WNK2: variants seen among roughly 807,000 people sequenced by gnomAD.
WNK2 encodes serine/threonine-protein kinase WNK2.
WNK2 carries 67 observed loss-of-function variants against 192.1 expected under a neutral mutation model. The ratio of observed to expected loss-of-function variants is 0.35; its 90% confidence interval spans 0.29 to 0.43. The LOEUF is 0.43. Ranked by LOEUF, WNK2 falls within the 20% of genes least tolerant of loss-of-function variation. The pLI is 1.00. For missense variants in WNK2, 2,698 were observed against 3,089.7 expected (o/e 0.87, Z 3.01); for synonymous variants, 1,439 against 1,393.9 (o/e 1.03, Z -0.72).
At chr9:93,211,715 C>G (rs1237149005) in intron 2 of WNK2, among the ~76,000 whole-genome samples, 2 of 151,804 alleles carry the variant, frequency 1.3e-5, no homozygotes, top group African/African-American at 2.4e-5. Flanking sequence ...CACCATTCAT[C>G]TACTCATTCA....
At chr9:93,281,518 A>G (rs2133595291) in intron 19 of WNK2, among the ~76,000 whole-genome samples, 1 of 152,318 alleles carries the variant, frequency 6.6e-6, no homozygotes, top group East Asian at 1.9e-4. Context: ...AAAACAGTAG[A>G]AAATAGAAAA....
chr9:93,281,501 G>C (rs1333436552), intron 19 of WNK2, among the ~76,000 whole-genome samples: 2 of 152,086 alleles, frequency 1.3e-5, no homozygotes, highest in Non-Finnish European at 2.9e-5. Context: ...GTAAAATAAG[G>C]ATAATGAAAA....
Position 93,261,807 on chromosome 9 carries a change from C to T in WNK2, c.3067-7C>T, listed in dbSNP as rs575435593. On this transcript the variant is annotated splice_polypyrimidine_tract_variant and splice_region_variant and intron_variant, in intron 12 of 29. Coordinates refer to ENST00000427277, the MANE Select transcript of WNK2 (RefSeq NM_006648.4). Reference sequence around the variant, plus strand: ...CCTGACTTGCACCTTGTCCCCTGTGCCCCCAGATTCTGCTTGGCCACCCAG... The same window carrying T: ...CCTGACTTGCACCTTGTCCCCTGTGTCCCCAGATTCTGCTTGGCCACCCAG... 8 of 1,581,442 alleles carry T rather than the reference C, an allele frequency of 5.1e-6. No individual in the cohort carries two copies. In the South Asian group the frequency reaches 6.7e-5, roughly 13 times the overall value.
At chr9:93,198,573 G>T (rs1246859013) in intron 2 of WNK2, among the ~76,000 whole-genome samples, 2 of 145,960 alleles carry the variant, frequency 1.4e-5, no homozygotes, top group Non-Finnish European at 3.0e-5. Context: ...CACTGTGGAG[G>T]GGATGCTTCC....
intron 19 of WNK2, among the ~76,000 whole-genome samples, chr9:93,274,692 A>G (rs1030481608): frequency 6.6e-6 from 1 of 152,178 alleles, no homozygotes; most frequent in African/African-American, 2.4e-5. Context: ...AAAGCCATAA[A>G]CTACTAAAAT....
At chr9:93,302,463 G>C (rs1178327410) in intron 26 of WNK2, among the ~76,000 whole-genome samples, 1 of 152,200 alleles carries the variant, frequency 6.6e-6, no homozygotes, top group Admixed American at 6.5e-5. Context: ...TTGCTCCCTA[G>C]GGCCTGGGGA....
intron 18 of WNK2, 122 bp downstream of exon 18, chr9:93,268,187 C>G: frequency 1.4e-6 from 2 of 1,390,810 alleles, no homozygotes. Flanking sequence ...TGACCAGGGG[C>G]CCCAGTCTGG....
At chr9:93,317,108 C>A in intron 28 of WNK2, 1 of 273,946 alleles carries the variant, frequency 3.7e-6, no homozygotes, top group Non-Finnish European at 7.0e-6. Flanking sequence ...TGCCCAGGTC[C>A]TGGGGCTCTG....
In WNK2 at chr9:93,263,518, C is replaced by T. The variant is rs368335173; in HGVS notation, c.3411-48C>T. 75 of 1,597,692 alleles carry T rather than the reference C, an allele frequency of 4.7e-5. No homozygotes were observed. The East Asian group carries it at 5.6e-4, about 12-fold the overall frequency. On this transcript the variant is annotated intron_variant, in intron 14 of 29. Transcript: ENST00000427277. Reference sequence around the variant, plus strand: ...AGCTGACTTTCCCCGCCATTGCCGACGTGCTGGTTGTCCTTTGGTGCCATT... The same window carrying T: ...AGCTGACTTTCCCCGCCATTGCCGATGTGCTGGTTGTCCTTTGGTGCCATT...
chr9:93,300,315 G>C (rs1851370995), intron 26 of WNK2, 166 bp downstream of exon 26: 4 of 585,758 alleles, frequency 6.8e-6, no homozygotes, highest in South Asian at 2.1e-5. Flanking sequence ...CGGTCCCCTG[G>C]AGCGGCGGCC....
At chr9:93,267,719 C>G (rs1845390974) in intron 16 of WNK2, 27 bp from the exon 17 acceptor site, 1 of 1,540,938 alleles carries the variant, frequency 6.5e-7, no homozygotes, top group Non-Finnish European at 8.8e-7. Context: ...TGCAGCTGGT[C>G]CTCACTGGCA....
At chr9:93,265,848 G>A (rs1021485278) in intron 16 of WNK2, among the ~76,000 whole-genome samples, 10 of 152,214 alleles carry the variant, frequency 6.6e-5, no homozygotes, top group Admixed American at 5.9e-4. Flanking sequence ...GTGTCTCTGT[G>A]TGTGAGTCTT....
intron 2 of WNK2, among the ~76,000 whole-genome samples, chr9:93,219,299 C>A (rs1377308077): frequency 6.6e-6 from 1 of 152,252 alleles, no homozygotes; most frequent in Non-Finnish European, 1.5e-5. Context: ...TGGCCACTGT[C>A]CTGGAGGGCC....
Position 93,289,146 on chromosome 9 carries a change from A to C in WNK2, c.4392A>C (p.Ser1464=), listed in dbSNP as rs1848922484. The change falls in exon 20 of 30, where the codon TCA becomes TCC. Residue 1464 remains serine (S), a synonymous_variant. Transcript: ENST00000427277. ...APCTPAPEAA[S]TRDASAPREP... ...GCACTCCAGCTCCAGAGGCTGCCTC[A>C]ACCAGGGACGCCAGTGCCCCAAGGG... 6.2e-7 allele frequency: 1 copy of C among 1,600,740 alleles called. No individual in the cohort carries two copies. Among genetic ancestry groups the C allele is most frequent in the Non-Finnish European group, 8.5e-7 (1 of 1,173,570 alleles).
chr9:93,311,017 C>T (rs921819293), intron 28 of WNK2, among the ~76,000 whole-genome samples: 2 of 152,154 alleles, frequency 1.3e-5, no homozygotes, highest in Non-Finnish European at 2.9e-5. Flanking sequence ...TCATCTCCAT[C>T]TCTTTTTATT....
intron 7 of WNK2, among the ~76,000 whole-genome samples, chr9:93,246,724 G>T (rs1017657481): frequency 4.6e-5 from 7 of 152,214 alleles, no homozygotes; most frequent in Admixed American, 4.6e-4. Flanking sequence ...CTCTTGCACG[G>T]GCACCTCCGC....
At chr9:93,302,434 G>A (rs1851776789) in intron 26 of WNK2, among the ~76,000 whole-genome samples, 2 of 152,162 alleles carry the variant, frequency 1.3e-5, no homozygotes, top group South Asian at 2.1e-4. Context: ...GGGGGCAGCC[G>A]GCGCAGCCAG....
At chr9:93,277,987 A>T (rs1847197953) in intron 19 of WNK2, among the ~76,000 whole-genome samples, 1 of 152,232 alleles carries the variant, frequency 6.6e-6, no homozygotes, top group South Asian at 2.1e-4. Flanking sequence ...ATGGAATAAT[A>T]GTCTCTAGAT....
At chr9:93,296,844 T>TC (rs1475333122) in intron 23 of WNK2, among the ~76,000 whole-genome samples, 19 of 71,456 alleles carry the variant, frequency 2.7e-4, no homozygotes, top group African/African-American at 1.3e-3. Flanking sequence ...TTCCTCCCCC[T>TC]CCATCCTTCC....
Sources: allele counts gnomAD v4.1 joint callset (sites outside exome capture counted in the v4.1 genomes callset), GRCh38; gene constraint gnomAD v4.1.1; transcripts MANE v1.5; gene names NCBI Gene and HGNC (gene_info 2026-07-23, HGNC 2026-07-21).